The following TCF3 variants were observed in gnomAD, a reference collection of about 807,000 sequenced individuals.
The protein encoded by TCF3 is transcription factor 3, also known as transcription factor E2-alpha.
A neutral mutation model predicts 72.3 loss-of-function variants in TCF3; 54 were observed. The observed-to-expected ratio is 0.75, with a 90% CI of 0.60 to 0.94. The LOEUF is 0.94. Among genes scored for constraint, TCF3 ranks in the 40% least tolerant of loss-of-function variants. The probability of loss-of-function intolerance (pLI) is 0.00; values close to 1 mark genes in which losing one functional copy is unlikely to be tolerated. For missense variants in TCF3, 1,078 were observed against 934.4 expected, an observed-to-expected ratio of 1.15 and a Z score of -2.00; for synonymous variants, 525 against 412.6, an observed-to-expected ratio of 1.27 and a Z score of -3.30.
Position 1,612,116 on chromosome 19 carries a change from C to A in TCF3, c.1823-267G>T, listed in dbSNP as rs1027919266. 1.2e-5 allele frequency: 16 copies of A among 1,323,996 alleles called. No individual in the cohort carries two copies. The African/African-American group carries it at 2.4e-4, about 20-fold the overall frequency. 82.0% of individuals were successfully genotyped at this position (1,323,996 alleles called of 1,614,324 possible). On this transcript the variant is annotated intron_variant, in intron 18 of 18. Coordinates refer to ENST00000262965, the MANE Select transcript of TCF3 (RefSeq NM_003200.5). ...CACAAAGACAGACATGGACAGAGTC[C>A]GGGGGCGGCAAGCACAGGAGGACCC...
At chr19:1,627,447 T>G (rs2063026351) in intron 5 of TCF3, 21 bp from the exon 6 acceptor site, 3 of 1,610,574 alleles carry the variant, frequency 1.9e-6, no homozygotes, top group Non-Finnish European at 2.5e-6. Context: ...AGAAGGAAGG[T>G]TAGTGGGAGG....
intron 5 of TCF3, 128 bp from the exon 6 acceptor site, chr19:1,627,554 T>G (rs2063045304): frequency 1.2e-6 from 1 of 821,142 alleles, no homozygotes; most frequent in Non-Finnish European, 2.0e-6. Context: ...CACGGCAGGA[T>G]GCTGGCAGAG....
At chr19:1,632,619 TAA>T (rs1250513405) in intron 3 of TCF3, among the ~76,000 whole-genome samples, 1 of 151,912 alleles carries the variant, frequency 6.6e-6, no homozygotes, top group African/African-American at 2.4e-5. Flanking sequence ...TCCATAAACT[TAA>T]ATTAACTCTT....
intron 3 of TCF3, among the ~76,000 whole-genome samples, chr19:1,633,414 G>A (rs940257175): frequency 2.0e-5 from 3 of 152,112 alleles, no homozygotes; most frequent in African/African-American, 7.2e-5. Context: ...CAGTGCTGAT[G>A]TCTGTGACCG....
intron 1 of TCF3, chr19:1,651,314 C>T: frequency 4.4e-6 from 1 of 228,534 alleles, no homozygotes; most frequent in East Asian, 6.2e-5. Context: ...CCTCCGAGGT[C>T]GAGGGAGACC....
chr19:1,618,293 CCCT>C (rs1456755444), intron 16 of TCF3, among the ~76,000 whole-genome samples: 3 of 152,114 alleles, frequency 2.0e-5, no homozygotes, highest in African/African-American at 7.2e-5. Flanking sequence ...CACTGCTCAC[CCCT>C]CCAAGGCCCC....
At position 1,619,494 on chromosome 19, in the gene TCF3, G is replaced by A. The variant is rs1387472530; in HGVS notation, c.1168-20C>T. The stretch of plus-strand genomic sequence containing the variant: ...ACTCTGCTGCAGGGTGGGGGGATGG[G>A]TGGTGAGGGGCCCAAGCCGAGGGAC... On this transcript the variant is annotated intron_variant, in intron 14 of 18. Transcript: ENST00000262965. 5 of 1,558,324 alleles carry A rather than the reference G, an allele frequency of 3.2e-6. No homozygotes were observed. Among genetic ancestry groups the A allele is most frequent in the Admixed American group, 1.8e-5 (1 of 56,178 alleles).
chr19:1,615,338 A>C lies in TCF3; in HGVS notation c.1769T>G (p.Leu590Arg). 1 of 1,612,138 alleles carries C rather than the reference A, an allele frequency of 6.2e-7. No individual in the cohort carries two copies. Among genetic ancestry groups the C allele is most frequent in the Non-Finnish European group, 8.5e-7 (1 of 1,178,430 alleles). ...GACCGAGACAGCCTGGTGCAGGATG[A>C]GCAGTTTGGTCTGGGGCTTCTCGCT... is the stretch of plus-strand genomic sequence containing the variant. ...LNSEKPQTKL[L>R]ILHQAVSVIL... Residue 590 changes from leucine to arginine, a missense_variant, in exon 18 of 19, where the codon CTC becomes CGC. Coordinates refer to ENST00000262965, the MANE Select transcript of TCF3 (RefSeq NM_003200.5). This position sits in a 1 kb window ranked among gnomAD's most constrained non-coding sequence, Gnocchi z 7.3.
chr19:1,619,996 T>C, intron 13 of TCF3, 143 bp from the exon 14 acceptor site: 1 of 731,074 alleles, frequency 1.4e-6, no homozygotes, highest in Non-Finnish European at 2.3e-6. Context: ...CACCCCACAC[T>C]GATGCAAAGC....
At position 1,611,693 on chromosome 19, in the gene TCF3, C is replaced by A; in HGVS notation, c.*14G>T. ...GGCTGAAAGCGGGTGGCTCGTCCCA[C>A]GGAGGCATACCTTTCACATGTGCCC... On this transcript the variant is annotated 3_prime_UTR_variant, in exon 19 of 19. Transcript: ENST00000262965. The A allele has an allele frequency of 6.2e-7, 1 of 1,608,512 alleles. No individual in the cohort carries two copies. The highest frequency in any genetic ancestry group is 8.5e-7 in the Non-Finnish European group (1 of 1,176,700).
At chr19:1,646,960 G>A (rs533608925) in intron 2 of TCF3, among the ~76,000 whole-genome samples, 1 of 152,212 alleles carries the variant, frequency 6.6e-6, no homozygotes, top group Non-Finnish European at 1.5e-5. Context: ...GGAGCGGGGG[G>A]TAGGGCCCAG....
At chr19:1,650,883 G>C (rs1351156501) in intron 1 of TCF3, 2 of 227,096 alleles carry the variant, frequency 8.8e-6, no homozygotes, top group East Asian at 6.3e-5. Flanking sequence ...GGGGGGACGC[G>C]CATCCTATGC....
rs958395084 is a variant in TCF3 at position 1,615,064 on chromosome 19, T to C, written c.1822+221A>G. ...TCCAGAAAGAGTCCAGTCCTCCCAC[T>C]GTGGAGGGGATGCTGAGGCAGGCAG... On this transcript the variant is annotated intron_variant, in intron 18 of 18. Transcript: ENST00000262965. The surrounding 1 kb of genome is among the most constrained non-coding windows in gnomAD (Gnocchi z 7.3). 2.6e-5 allele frequency among the ~76,000 whole-genome samples: 4 copies of C among 152,028 alleles called. No individual in the cohort carries two copies. Among genetic ancestry groups the C allele is most frequent in the Admixed American group, 2.6e-4 (4 of 15,290 alleles).
chr19:1,627,300 G>C, intron 6 of TCF3, 59 bp downstream of exon 6: 3 of 1,450,472 alleles, frequency 2.1e-6, no homozygotes, highest in Non-Finnish European at 2.8e-6. Context: ...GATCAGAGAG[G>C]GTGGGTGACA....
chr19:1,644,395 G>A (rs1445025193), intron 3 of TCF3, among the ~76,000 whole-genome samples: 2 of 144,314 alleles, frequency 1.4e-5, no homozygotes, highest in Non-Finnish European at 3.1e-5. Context: ...ACTGAACGGG[G>A]AGGGGGTCAC....
At chr19:1,618,986 C>G in intron 16 of TCF3, 125 bp downstream of exon 16, 1 of 1,496,186 alleles carries the variant, frequency 6.7e-7, no homozygotes, top group Non-Finnish European at 8.9e-7. Flanking sequence ...ACTGGGGCGC[C>G]CATGTCACCA....
At chr19:1,646,816 G>C (rs2066178755) in intron 2 of TCF3, among the ~76,000 whole-genome samples, 1 of 152,218 alleles carries the variant, frequency 6.6e-6, no homozygotes, top group Admixed American at 6.5e-5. Flanking sequence ...TTACGTTTCA[G>C]CTCTGAAAAG....
chr19:1,613,142 G>A (rs541201738), intron 18 of TCF3, among the ~76,000 whole-genome samples: 1 of 151,240 alleles, frequency 6.6e-6, no homozygotes, highest in Non-Finnish European at 1.5e-5. Context: ...CAGCAGTACG[G>A]GTCCACATGC....
chr19:1,610,038 G>A lies in TCF3; in HGVS notation c.*1669C>T. The stretch of plus-strand genomic sequence containing the variant: ...CACTGCCCTAGTTCGTGTGGAACTG[G>A]ATGGGATCCCAGGGTAGGAGACTTG... On this transcript the variant is annotated 3_prime_UTR_variant, in exon 19 of 19. Transcript: ENST00000262965. The A allele has an allele frequency of 4.3e-6, 1 of 232,930 alleles. No individual in the cohort carries two copies. Among genetic ancestry groups the A allele is most frequent in the Non-Finnish European group, 8.5e-6 (1 of 117,850 alleles). The allele number at this position is 232,930 out of a possible 1,614,324, so 14.4% of individuals were successfully genotyped here.
Sources: allele counts gnomAD v4.1 joint callset (sites outside exome capture counted in the v4.1 genomes callset), GRCh38; gene constraint gnomAD v4.1.1; non-coding constraint Gnocchi (gnomAD v3.1); transcripts MANE v1.5; gene names NCBI Gene and HGNC (gene_info 2026-07-23, HGNC 2026-07-21).